Variants in SPAG16 observed in about 807,000 individuals in gnomAD.
SPAG16 encodes the protein sperm associated antigen 16, also known as sperm-associated antigen 16 protein.
A neutral mutation model predicts 80.4 loss-of-function variants in SPAG16; 86 were observed. The observed-to-expected ratio is 1.07, with a 90% CI of 0.90 to 1.28. The LOEUF (loss-of-function observed/expected upper bound fraction) is 1.28, where lower values mean the gene tolerates loss of function less well. Among genes scored for constraint, SPAG16 ranks in the 50% most tolerant of loss-of-function variants. The pLI, the probability that SPAG16 is intolerant of heterozygous loss-of-function variation, is 0.00. For missense variants in SPAG16, 870 were observed against 765.3 expected, an observed-to-expected ratio of 1.14 and a Z score of -1.61; for synonymous variants, 294 against 265.9, an observed-to-expected ratio of 1.11 and a Z score of -1.03.
intron 15 of SPAG16, chr2:214,240,131 A>T (rs941639592): frequency 9.9e-5 from 15 of 152,190 alleles, no homozygotes; most frequent in African/African-American, 2.4e-5. Context: ...CATGGGTCTC[A>T]TAATGTCCAT....
intron 15 of SPAG16, among the ~76,000 whole-genome samples, chr2:214,404,244 A>G (rs185513798): frequency 5.3e-5 from 8 of 152,320 alleles, no homozygotes; most frequent in African/African-American, 1.9e-4. Flanking sequence ...AAGAAATAGT[A>G]AAAAAGAGCA....
chr2:213,425,651 C>CAAA (rs34843702), intron 9 of SPAG16, among the ~76,000 whole-genome samples: 15 of 82,064 alleles, frequency 1.8e-4, no homozygotes, highest in Admixed American at 2.7e-4. Context: ...GACTCCATCT[C>CAAA]AAAAAAAAAA....
chr2:213,401,745 G>T (rs1186197601), intron 9 of SPAG16, among the ~76,000 whole-genome samples: 1 of 151,994 alleles, frequency 6.6e-6, no homozygotes, highest in Non-Finnish European at 1.5e-5. Context: ...GATTATTCAT[G>T]TTTTTGGACG....
chr2:213,417,608 C>A (rs2069333763), intron 9 of SPAG16, among the ~76,000 whole-genome samples: 1 of 152,062 alleles, frequency 6.6e-6, no homozygotes, highest in African/African-American at 2.4e-5. Flanking sequence ...CTCTTTGTAA[C>A]TTAAATTTTT....
intron 10 of SPAG16, among the ~76,000 whole-genome samples, chr2:213,585,321 G>T (rs1323803365): frequency 1.4e-5 from 2 of 147,250 alleles, no homozygotes; most frequent in African/African-American, 5.0e-5. Context: ...CTATTGCCCA[G>T]GTTGGAGTGC....
chr2:213,853,682 A>T (rs1288680474), intron 10 of SPAG16, among the ~76,000 whole-genome samples: 2 of 152,168 alleles, frequency 1.3e-5, no homozygotes, highest in Non-Finnish European at 2.9e-5. Context: ...TGAATCTTGT[A>T]ATTATAATTA....
chr2:214,328,914 G>T (rs1014234599), intron 15 of SPAG16, among the ~76,000 whole-genome samples: 8 of 152,004 alleles, frequency 5.3e-5, no homozygotes, highest in Non-Finnish European at 7.4e-5. Context: ...AGTGTATGTG[G>T]TTTTTTTAAA....
At chr2:213,361,399 C>A (rs2065970753) in intron 7 of SPAG16, among the ~76,000 whole-genome samples, 2 of 146,206 alleles carry the variant, frequency 1.4e-5, no homozygotes, top group Admixed American at 1.4e-4. Context: ...TATATGTATA[C>A]TAAAAACTAA....
chr2:213,886,923 T>C (rs1422876668), intron 11 of SPAG16, among the ~76,000 whole-genome samples: 1 of 152,128 alleles, frequency 6.6e-6, no homozygotes, highest in African/African-American at 2.4e-5. Flanking sequence ...TATCAAAATC[T>C]GGTAAGGAGT....
At chr2:213,499,743 C>T (rs2074653504) in intron 10 of SPAG16, among the ~76,000 whole-genome samples, 1 of 152,092 alleles carries the variant, frequency 6.6e-6, no homozygotes, top group Admixed American at 6.6e-5. Context: ...CTGTCATATG[C>T]TCATGACCAA....
chr2:213,343,685 CAT>C (rs879656994), intron 6 of SPAG16, among the ~76,000 whole-genome samples: 3 of 151,614 alleles, frequency 2.0e-5, no homozygotes, highest in Admixed American at 6.6e-5. Context: ...CTGAAAAAAA[CAT>C]AATATGCAAA....
chr2:213,505,982 G>T (rs749997312), intron 10 of SPAG16, among the ~76,000 whole-genome samples: 4 of 151,440 alleles, frequency 2.6e-5, no homozygotes, highest in Non-Finnish European at 5.9e-5. Flanking sequence ...TTTTAATATA[G>T]CTCTTTATGT....
At chr2:214,273,104 T>C (rs1474377750) in intron 15 of SPAG16, among the ~76,000 whole-genome samples, 1 of 152,160 alleles carries the variant, frequency 6.6e-6, no homozygotes, top group Admixed American at 6.6e-5. Flanking sequence ...TGAGAAGTGT[T>C]TGTTCATATC....
intron 10 of SPAG16, among the ~76,000 whole-genome samples, chr2:213,645,688 G>C (rs1574630825): frequency 6.6e-6 from 1 of 152,106 alleles, no homozygotes; most frequent in Non-Finnish European, 1.5e-5. Context: ...GGGTCTCTTG[G>C]AGCTGGAAGC....
intron 10 of SPAG16, among the ~76,000 whole-genome samples, chr2:213,574,632 C>T (rs952138219): frequency 1.0e-4 from 15 of 146,660 alleles, no homozygotes; most frequent in African/African-American, 3.6e-4. Flanking sequence ...TAACTCCTTA[C>T]GATCACCAGA....
At chr2:213,384,304 A>G (rs1488977) in intron 9 of SPAG16, among the ~76,000 whole-genome samples, 135,039 of 152,184 alleles carry the variant, frequency 0.89, 61,526 homozygotes, top group East Asian at 1. Flanking sequence ...CCCACAGGTC[A>G]AGAATTAATG....
At chr2:214,070,488 C>T (rs2050736565) in intron 13 of SPAG16, among the ~76,000 whole-genome samples, 2 of 151,990 alleles carry the variant, frequency 1.3e-5, no homozygotes, top group South Asian at 2.1e-4. Flanking sequence ...TAACATAGAT[C>T]TTCGTAGCTT....
chr2:213,431,681 A>G (rs1489577442), intron 9 of SPAG16, among the ~76,000 whole-genome samples: 1 of 152,098 alleles, frequency 6.6e-6, no homozygotes, highest in African/African-American at 2.4e-5. Flanking sequence ...CGGACACACT[A>G]TAAAGATTAT....
chr2:213,484,787 A>C (rs2073905115), intron 9 of SPAG16, among the ~76,000 whole-genome samples: 2 of 152,152 alleles, frequency 1.3e-5, no homozygotes, highest in African/African-American at 4.8e-5. Flanking sequence ...TGATATTTTG[A>C]CTTGAATTGA....
Sources: gnomAD v4.1 joint callset for allele counts (sites outside exome capture counted in the v4.1 genomes callset) on GRCh38, gnomAD v4.1.1 for gene constraint, MANE v1.5 for transcripts, NCBI Gene and HGNC (gene_info 2026-07-23, HGNC 2026-07-21) for gene names.